GDAP1: variants seen among roughly 807,000 people sequenced by gnomAD.
GDAP1 encodes ganglioside-induced differentiation-associated protein 1.
Under a neutral mutation model 40.1 loss-of-function variants are expected in GDAP1, and 34 were observed. The ratio of observed to expected loss-of-function variants is 0.85; its 90% CI spans 0.64 to 1.13. GDAP1 has a LOEUF of 1.13. Among genes scored for constraint, GDAP1 ranks in the 50% most tolerant of loss-of-function variants. The probability of loss-of-function intolerance (pLI) is 0.00; values close to 1 mark genes in which losing one functional copy is unlikely to be tolerated. For missense variants in GDAP1, 374 were observed against 433.7 expected (o/e 0.86, Z 1.22); for synonymous variants, 170 against 157.4 (o/e 1.08, Z -0.60).
At position 74,364,025 on chromosome 8, in the gene GDAP1, C is replaced by G. The variant is rs755020721; in HGVS notation, c.735C>G (p.Thr245=). The G allele has an allele frequency of 6.2e-7, 1 of 1,613,930 alleles. No homozygotes were observed. The highest frequency in any genetic ancestry group is 8.5e-7 in the Non-Finnish European group (1 of 1,179,886). ...CTTGGCTCTGCGGTGAATCCTTCACCCTGGCAGACGTCTCACTCGCTGTCA... is the reference window on the plus strand; with the variant it reads ...CTTGGCTCTGCGGTGAATCCTTCACGCTGGCAGACGTCTCACTCGCTGTCA... ...QQPWLCGESF[T]LADVSLAVTL... is the part of the protein sequence containing the mutation. Residue 245 remains threonine, a synonymous_variant, in exon 6 of 6, where the codon ACC becomes ACG. Transcript: ENST00000220822.
At chr8:74,400,809 T>C (rs1053999936) in intron 2 of GDAP1, among the ~76,000 whole-genome samples, 4 of 149,308 alleles carry the variant, frequency 2.7e-5, no homozygotes, top group Admixed American at 6.6e-5. Context: ...CCTTCACTTA[T>C]GAAGCTTAGT....
At chr8:74,389,393 T>A (rs988345381) in intron 2 of GDAP1, among the ~76,000 whole-genome samples, 5 of 152,180 alleles carry the variant, frequency 3.3e-5, no homozygotes, top group African/African-American at 1.2e-4. Context: ...TCCCTAAGCA[T>A]TTGCTTTTTT....
intron 2 of GDAP1, among the ~76,000 whole-genome samples, chr8:74,472,883 G>A (rs1806577646): frequency 6.6e-6 from 1 of 151,962 alleles, no homozygotes; most frequent in Admixed American, 6.6e-5. Context: ...AAGTGGCTGG[G>A]ACTATAGGTT....
intron 2 of GDAP1, among the ~76,000 whole-genome samples, chr8:74,461,433 T>C (rs1445116626): frequency 6.6e-6 from 1 of 152,234 alleles, no homozygotes. Flanking sequence ...TAGATTTTCT[T>C]TGGCTATTGA....
chr8:74,371,426 C>G (rs1039960980), downstream of GDAP1, among the ~76,000 whole-genome samples: 1 of 151,974 alleles, frequency 6.6e-6, no homozygotes, highest in Non-Finnish European at 1.5e-5. Flanking sequence ...TTTGGGAGGC[C>G]GAGGCGGGCG....
intron 2 of GDAP1, among the ~76,000 whole-genome samples, chr8:74,358,256 C>A (rs1015407212): frequency 6.6e-6 from 1 of 152,192 alleles, no homozygotes; most frequent in Non-Finnish European, 1.5e-5. Context: ...TTTTCCTGCT[C>A]TCATTCACTT....
At chr8:74,465,398 C>T (rs1806456773) in intron 2 of GDAP1, among the ~76,000 whole-genome samples, 1 of 152,002 alleles carries the variant, frequency 6.6e-6, no homozygotes, top group African/African-American at 2.4e-5. Flanking sequence ...CTCGCCAAGC[C>T]TTATAAATTT....
At chr8:74,442,872 T>G (rs975131452) in intron 2 of GDAP1, among the ~76,000 whole-genome samples, 6 of 151,802 alleles carry the variant, frequency 4.0e-5, no homozygotes, top group Non-Finnish European at 8.8e-5. Context: ...TTGTAGGGAG[T>G]TCCAAATAAC....
chr8:74,376,489 C>T (rs928462972), intron 2 of GDAP1, among the ~76,000 whole-genome samples: 12 of 151,918 alleles, frequency 7.9e-5, no homozygotes, highest in South Asian at 6.2e-4. Flanking sequence ...GCTGGGACTA[C>T]GGGCGCCCGC....
At chr8:74,393,559 C>T (rs888417319) in intron 2 of GDAP1, among the ~76,000 whole-genome samples, 2 of 151,960 alleles carry the variant, frequency 1.3e-5, no homozygotes, top group Admixed American at 1.3e-4. Flanking sequence ...TTTATTGTGA[C>T]CAAGGAAAGA....
intron 2 of GDAP1, among the ~76,000 whole-genome samples, chr8:74,456,141 C>A (rs1806333852): frequency 6.6e-6 from 1 of 151,760 alleles, no homozygotes. Flanking sequence ...GCTCAAATTC[C>A]CTAGTTAGTA....
At chr8:74,424,787 C>T (rs974822386) in intron 2 of GDAP1, among the ~76,000 whole-genome samples, 4 of 152,100 alleles carry the variant, frequency 2.6e-5, no homozygotes, top group Non-Finnish European at 4.4e-5. Context: ...AGATAACAAC[C>T]TCTGGTCTAA....
intron 2 of GDAP1, among the ~76,000 whole-genome samples, chr8:74,399,864 G>T (rs1270121362): frequency 7.0e-6 from 1 of 142,380 alleles, no homozygotes; most frequent in African/African-American, 2.9e-5. Context: ...GCGGTTTTGA[G>T]TGAGTTTCTT....
At chr8:74,423,940 A>G (rs1805915121) in intron 2 of GDAP1, among the ~76,000 whole-genome samples, 1 of 152,124 alleles carries the variant, frequency 6.6e-6, no homozygotes, top group Non-Finnish European at 1.5e-5. Flanking sequence ...ATCTCCAAAG[A>G]GAAGATAAAC....
intron 2 of GDAP1, among the ~76,000 whole-genome samples, chr8:74,469,829 C>T (rs1208088899): frequency 2.0e-5 from 3 of 151,752 alleles, no homozygotes; most frequent in African/African-American, 7.3e-5. Context: ...ACAAAATTAG[C>T]TGGGCGTGCT....
At chr8:74,391,269 G>A (rs1334864318) in intron 2 of GDAP1, among the ~76,000 whole-genome samples, 1 of 152,038 alleles carries the variant, frequency 6.6e-6, no homozygotes, top group Non-Finnish European at 1.5e-5. Context: ...CTGCCCAAAC[G>A]GCCACCCAGT....
At chr8:74,453,940 A>AACAC (rs59331820) in intron 2 of GDAP1, among the ~76,000 whole-genome samples, 739 of 59,066 alleles carry the variant, frequency 0.013, 262 homozygotes, top group African/African-American at 0.053. Flanking sequence ...TTCTGAAGAA[A>AACAC]ACACACACAC....
intron 2 of GDAP1, among the ~76,000 whole-genome samples, chr8:74,390,372 G>T (rs1017097682): frequency 6.6e-6 from 1 of 152,114 alleles, no homozygotes. Context: ...TTTTTGTGTG[G>T]ATGTCCTTTT....
At chr8:74,414,528 G>A (rs1805755143) in intron 2 of GDAP1, among the ~76,000 whole-genome samples, 1 of 149,868 alleles carries the variant, frequency 6.7e-6, no homozygotes, top group Non-Finnish European at 1.5e-5. Context: ...CAAGGTCATT[G>A]GCTGAGCTCC....
Sources: gnomAD v4.1 joint callset for allele counts (sites outside exome capture counted in the v4.1 genomes callset) on GRCh38, gnomAD v4.1.1 for gene constraint, MANE v1.5 for transcripts, NCBI Gene and HGNC (gene_info 2026-07-23, HGNC 2026-07-21) for gene names.